DNAJC10: variants seen among roughly 807,000 people sequenced by gnomAD.
DNAJC10 encodes the protein DnaJ heat shock protein family (Hsp40) member C10.
DNAJC10 carries 101 observed loss-of-function variants against 115.0 expected under a neutral mutation model. The ratio of observed to expected loss-of-function variants is 0.88; its 90% CI spans 0.75 to 1.04. The LOEUF (loss-of-function observed/expected upper bound fraction) is 1.04. Ranked by LOEUF, DNAJC10 falls within the 50% of genes least tolerant of loss-of-function variation. The pLI, the probability that DNAJC10 is intolerant of heterozygous loss-of-function variation, is 0.00. For synonymous variants in DNAJC10, 307 were observed against 301.5 expected (o/e 1.02, Z -0.19); for missense variants, 981 against 928.8 (o/e 1.06, Z -0.73).
chr2:182,723,482 T>C (rs1693206813), intron 5 of DNAJC10, among the ~76,000 whole-genome samples: 1 of 152,236 alleles, frequency 6.6e-6, no homozygotes, highest in African/African-American at 2.4e-5. Context: ...AAAATACATC[T>C]TTCCTGTGTT....
At chr2:182,776,768 A>G (rs1462577583) in intron 23 of DNAJC10, among the ~76,000 whole-genome samples, 2 of 152,214 alleles carry the variant, frequency 1.3e-5, no homozygotes, top group East Asian at 1.9e-4. Flanking sequence ...TTTTCTCAAG[A>G]TATTTTATTT....
intron 4 of DNAJC10, 96 bp from the exon 5 acceptor site, chr2:182,721,929 G>T: frequency 2.9e-6 from 2 of 684,444 alleles, no homozygotes; most frequent in South Asian, 2.1e-5. Context: ...ATAGTAGTTT[G>T]ATTTTTTTGA....
At position 182,791,729 on chromosome 2, in the gene DNAJC10, T is replaced by A. The variant is rs1002077726; in HGVS notation, c.*14597T>A. 2 of 152,156 alleles carry A rather than the reference T, an allele frequency of 1.3e-5. No individual in the cohort carries two copies. The highest frequency in any genetic ancestry group is 4.8e-5 in the African/African-American group (2 of 41,452). 9.4% of individuals were successfully genotyped at this position (152,156 alleles called of 1,614,324 possible). ...AACTGTATACAACATTTTATAACAC[T>A]CTAATGTGGATAAGACACCTCAAAA... On this transcript the variant is annotated 3_prime_UTR_variant, in exon 24 of 24. Coordinates refer to ENST00000264065, the MANE Select transcript of DNAJC10 (RefSeq NM_018981.4).
Position 182,759,316 on chromosome 2 carries a change from T to C in DNAJC10, c.2145+9T>C. On this transcript the variant is annotated intron_variant, in intron 21 of 23. Coordinates refer to ENST00000264065, the MANE Select transcript of DNAJC10 (RefSeq NM_018981.4). The stretch of plus-strand genomic sequence containing the variant: ...TTGAGCTCTTGGCTAGGGTAAGTCA[T>C]ACCTGTCTTAAATAAGTTGTAGCCA... 6.2e-7 allele frequency: 1 copy of C among 1,604,066 alleles called. No homozygotes were observed.
At chr2:182,761,515 G>A (rs1022060847) in intron 21 of DNAJC10, among the ~76,000 whole-genome samples, 1 of 152,044 alleles carries the variant, frequency 6.6e-6, no homozygotes, top group Non-Finnish European at 1.5e-5. Context: ...TGAAGTGAGA[G>A]GTGATAACTT....
At position 182,784,013 on chromosome 2, in the gene DNAJC10, C is replaced by T. The variant is rs1236226250; in HGVS notation, c.*6881C>T. The T allele has an allele frequency of 1.3e-5, 2 of 151,990 alleles. No homozygotes were observed. The highest frequency in any genetic ancestry group is 2.9e-5 in the Non-Finnish European group (2 of 67,996). The allele number at this position is 151,990 out of a possible 1,614,324, so 9.4% of individuals were successfully genotyped here. On this transcript the variant is annotated 3_prime_UTR_variant, in exon 24 of 24. Coordinates refer to ENST00000264065, the MANE Select transcript of DNAJC10 (RefSeq NM_018981.4). ...GCAAAAAGAAAACCTATTTCACTAC[C>T]GAAATTAAATAAACTTTAAAATTCA...
chr2:182,740,415 T>G (rs761322442), intron 12 of DNAJC10, 27 bp downstream of exon 12: 34 of 1,541,264 alleles, frequency 2.2e-5, no homozygotes, highest in Non-Finnish European at 2.8e-5. Flanking sequence ...TAATGATAAG[T>G]AGCAATGAAT....
rs775559669 is a variant in DNAJC10 at position 182,741,378 on chromosome 2, T to A, written c.1191+22T>A. 107 of 1,254,130 alleles carry A rather than the reference T, an allele frequency of 8.5e-5. 1 individual carries two copies. The South Asian group carries it at 1.1e-3, about 13-fold the overall frequency. The allele number at this position is 1,254,130 out of a possible 1,614,324, so 77.7% of individuals were successfully genotyped here. On this transcript the variant is annotated intron_variant, in intron 13 of 23. Coordinates refer to ENST00000264065, the MANE Select transcript of DNAJC10 (RefSeq NM_018981.4). ...TCAAGTAAGAAAAATGTATTCTGCC[T>A]AGCCTTCTGCTGGTGTACTTTGTTG...
In DNAJC10 at chr2:182,789,924, C is replaced by G. The variant is rs1695019732; in HGVS notation, c.*12792C>G. ...TACTTTTAGAGTCTTTAAATTATTA[C>G]TTTTTCCATATCAAAGTACTTTGTG... On this transcript the variant is annotated 3_prime_UTR_variant, in exon 24 of 24. Coordinates refer to ENST00000264065, the MANE Select transcript of DNAJC10 (RefSeq NM_018981.4). The G allele has an allele frequency of 6.6e-6, 1 of 152,124 alleles. No homozygotes were observed. 9.4% of individuals were successfully genotyped at this position (152,124 alleles called of 1,614,324 possible).
At chr2:182,768,971 C>A (rs1052621514) in intron 22 of DNAJC10, among the ~76,000 whole-genome samples, 1 of 152,082 alleles carries the variant, frequency 6.6e-6, no homozygotes, top group Admixed American at 6.6e-5. Context: ...GCTATCCCTC[C>A]CCCAGCCCTG....
chr2:182,779,921 G>GTGTT lies in DNAJC10; in HGVS notation c.*2790_*2793dup, dbSNP rs1187377801. 14 of 152,240 alleles carry GTGTT rather than the reference G, an allele frequency of 9.2e-5. No homozygotes were observed. The highest frequency in any genetic ancestry group is 2.6e-4 in the African/African-American group (11 of 41,552). 9.4% of individuals were successfully genotyped at this position (152,240 alleles called of 1,614,324 possible). On this transcript the variant is annotated 3_prime_UTR_variant, in exon 24 of 24. Coordinates refer to ENST00000264065, the MANE Select transcript of DNAJC10 (RefSeq NM_018981.4). ...GAATATTTGTGTAATATTTAGTCTA[G>GTGTT]TGTTAGTCCTTAAATCTGCCAACAA...
rs2105723082 is a variant in DNAJC10, at chr2:182,783,507, A to G, written c.*6375A>G. Reference sequence around the variant, plus strand: ...TGAAACAATTTGTTGGCTTTAATGTATTTAGGAAAAATCATTTATTTACAA... The same window carrying G: ...TGAAACAATTTGTTGGCTTTAATGTGTTTAGGAAAAATCATTTATTTACAA... On this transcript the variant is annotated 3_prime_UTR_variant, in exon 24 of 24. Coordinates refer to ENST00000264065, the MANE Select transcript of DNAJC10 (RefSeq NM_018981.4). The G allele has an allele frequency of 6.6e-6, 1 of 152,328 alleles. No individual in the cohort carries two copies. The allele number at this position is 152,328 out of a possible 1,614,324, so 9.4% of individuals were successfully genotyped here. A position where few individuals can be genotyped will look rare whatever the true frequency, so the allele number is the denominator to read the frequency against.
chr2:182,751,786 G>A lies in DNAJC10; in HGVS notation c.1434+1G>A, dbSNP rs746694570. The A allele has an allele frequency of 1.2e-5, 20 of 1,610,880 alleles. No homozygotes were observed. The highest frequency in any genetic ancestry group is 4.5e-5 in the East Asian group (2 of 44,858). On this transcript the variant is annotated splice_donor_variant, in intron 15 of 23. Transcript: ENST00000264065. LOFTEE classifies it high-confidence loss of function. ...ATGGCTTGTTGATTTCTTTGCCCCC[G>A]TAAGTTATTTTTATCTGTCAGATTC...
chr2:182,730,908 G>T, intron 8 of DNAJC10, 122 bp from the exon 9 acceptor site: 3 of 606,088 alleles, frequency 4.9e-6, no homozygotes, highest in Non-Finnish European at 8.6e-6. Context: ...AAGATAACTG[G>T]TAAAACTCAG....
intron 4 of DNAJC10, 109 bp downstream of exon 4, chr2:182,720,278 C>A: frequency 1.1e-6 from 1 of 892,962 alleles, no homozygotes; most frequent in Non-Finnish European, 1.8e-6. Flanking sequence ...CTTTGATTAG[C>A]TCCTTTTAAT....
intron 22 of DNAJC10, among the ~76,000 whole-genome samples, chr2:182,773,778 C>T (rs1429861987): frequency 6.6e-6 from 1 of 152,174 alleles, no homozygotes; most frequent in African/African-American, 2.4e-5. Context: ...TTCAAACATC[C>T]TTCTTTAGCT....
intron 11 of DNAJC10, among the ~76,000 whole-genome samples, chr2:182,739,390 C>T (rs1006648059): frequency 6.6e-6 from 1 of 151,316 alleles, no homozygotes; most frequent in African/African-American, 2.4e-5. Flanking sequence ...CATGATTGTT[C>T]GTACAAGTTT....
chr2:182,743,528 T>G, intron 13 of DNAJC10, 70 bp from the exon 14 acceptor site: 2 of 1,138,404 alleles, frequency 1.8e-6, no homozygotes, highest in Non-Finnish European at 2.6e-6. Flanking sequence ...ATTTTTGGAT[T>G]ATCATGAATA....
At position 182,716,389 on chromosome 2, in the gene DNAJC10, T is replaced by C. The variant is rs940041858; in HGVS notation, c.-298T>C. The C allele has an allele frequency of 2.0e-5, 3 of 152,326 alleles. No homozygotes were observed. Among genetic ancestry groups the C allele is most frequent in the African/African-American group, 7.2e-5 (3 of 41,438 alleles). The allele number at this position is 152,326 out of a possible 1,614,324, so 9.4% of individuals were successfully genotyped here. A position where few individuals can be genotyped will look rare whatever the true frequency, so the allele number is the denominator to read the frequency against. ...CCGTCGGAGAGTGCGTGTGCTTCTC[T>C]CCTGCACGCGGTGCTTGGGCTCGGC... On this transcript the variant is annotated 5_prime_UTR_variant, in exon 1 of 24. Coordinates refer to ENST00000264065, the MANE Select transcript of DNAJC10 (RefSeq NM_018981.4).
Sources: allele counts gnomAD v4.1 joint callset (sites outside exome capture counted in the v4.1 genomes callset), GRCh38; gene constraint gnomAD v4.1.1; transcripts MANE v1.5; gene names NCBI Gene and HGNC (gene_info 2026-07-23, HGNC 2026-07-21).